The following POU2AF2 variants were observed in gnomAD, a reference collection of about 807,000 sequenced individuals.
POU2AF2 encodes the protein POU class 2 homeobox associating factor 2.
chr11:111,266,070 A>T, the POU2AF2 span, among the ~76,000 whole-genome samples: 60 of 152,228 alleles, frequency 3.9e-4, 1 homozygote, highest in African/African-American at 1.4e-3. Flanking sequence ...ACCTATAATT[A>T]TACTTATCCA....
chr11:111,284,011 T>G, the POU2AF2 span: 1 of 1,472,996 alleles, frequency 6.8e-7, no homozygotes, highest in Non-Finnish European at 9.3e-7. Flanking sequence ...GAGACTCAGC[T>G]GCAACCGAGG....
chr11:111,260,065 C>G, the POU2AF2 span, among the ~76,000 whole-genome samples: 4 of 152,218 alleles, frequency 2.6e-5, no homozygotes, highest in South Asian at 8.3e-4. Context: ...GGACCTATTT[C>G]TGTCCCTGTT....
At chr11:111,271,629 G>T in the POU2AF2 span, among the ~76,000 whole-genome samples, 1 of 151,944 alleles carries the variant, frequency 6.6e-6, no homozygotes, top group Admixed American at 6.6e-5. Flanking sequence ...TCACTGTCTT[G>T]CCCAGGCTAG....
chr11:111,258,606 T>C, the POU2AF2 span, among the ~76,000 whole-genome samples: 6 of 152,252 alleles, frequency 3.9e-5, no homozygotes, highest in Non-Finnish European at 7.3e-5. Context: ...GTTTCTTTTC[T>C]TTATTTTTTG....
At chr11:111,260,933 A>C in the POU2AF2 span, among the ~76,000 whole-genome samples, 1 of 152,332 alleles carries the variant, frequency 6.6e-6, no homozygotes, top group South Asian at 2.1e-4. Flanking sequence ...AAATTTACAC[A>C]AGACTCTGTT....
chr11:111,256,302 T>C, the POU2AF2 span, among the ~76,000 whole-genome samples: 1 of 152,252 alleles, frequency 6.6e-6, no homozygotes, highest in Admixed American at 6.5e-5. Flanking sequence ...CTCCCTCTAC[T>C]TCAATCTCAT....
the POU2AF2 span, among the ~76,000 whole-genome samples, chr11:111,276,456 ATATATATATATATATAT>A: frequency 2.7e-5 from 1 of 36,578 alleles, no homozygotes; most frequent in Non-Finnish European, 6.3e-5. Context: ...AAAAAAAAAT[ATATATATATATATATAT>A]ATATATATAT....
At chr11:111,261,027 G>GA in the POU2AF2 span, among the ~76,000 whole-genome samples, 23 of 152,218 alleles carry the variant, frequency 1.5e-4, no homozygotes, top group Non-Finnish European at 2.6e-4. Flanking sequence ...GTAGGAACAA[G>GA]AAAAAATATC....
At chr11:111,255,821 C>T in the POU2AF2 span, among the ~76,000 whole-genome samples, 11 of 152,168 alleles carry the variant, frequency 7.2e-5, no homozygotes, top group East Asian at 5.8e-4. Context: ...TCAGGAGACA[C>T]GGCTCTATTG....
chr11:111,263,970 C>T, the POU2AF2 span, among the ~76,000 whole-genome samples: 2 of 152,166 alleles, frequency 1.3e-5, no homozygotes, highest in Non-Finnish European at 2.9e-5. Flanking sequence ...AATGCCATTG[C>T]TATTAAACAC....
chr11:111,255,470 A>T, the POU2AF2 span, among the ~76,000 whole-genome samples: 2 of 152,220 alleles, frequency 1.3e-5, no homozygotes, highest in African/African-American at 4.8e-5. Context: ...CAAAACATTT[A>T]TTTAGTGCAG....
the POU2AF2 span, among the ~76,000 whole-genome samples, chr11:111,254,466 A>G: frequency 1.3e-5 from 2 of 152,118 alleles, no homozygotes; most frequent in Non-Finnish European, 2.9e-5. Flanking sequence ...CTTTCAAGGA[A>G]TTTTCACATG....
the POU2AF2 span, among the ~76,000 whole-genome samples, chr11:111,284,730 G>T: frequency 6.6e-6 from 1 of 152,328 alleles, no homozygotes; most frequent in African/African-American, 2.4e-5. Context: ...GAACACTGAA[G>T]CTGCATCTCA....
chr11:111,265,872 A>G, the POU2AF2 span, among the ~76,000 whole-genome samples: 2 of 73,594 alleles, frequency 2.7e-5, no homozygotes, highest in Admixed American at 1.4e-4. Flanking sequence ...CCTAGGAATA[A>G]ATTAAAAAAA....
At chr11:111,281,341 T>A in the POU2AF2 span, 1 of 1,459,190 alleles carries the variant, frequency 6.9e-7, no homozygotes, top group South Asian at 1.2e-5. Context: ...ATTCCTAATT[T>A]TTATTAAATT....
chr11:111,275,662 A>G, the POU2AF2 span, among the ~76,000 whole-genome samples: 3 of 152,346 alleles, frequency 2.0e-5, no homozygotes, highest in Admixed American at 6.5e-5. Context: ...ACAAACCACT[A>G]TGAGTGAGTC....
the POU2AF2 span, among the ~76,000 whole-genome samples, chr11:111,253,839 C>A: frequency 1.3e-5 from 2 of 152,270 alleles, no homozygotes; most frequent in South Asian, 4.1e-4. Flanking sequence ...GTCCTTGCCT[C>A]CAGGACTTTG....
At chr11:111,276,648 A>C in the POU2AF2 span, among the ~76,000 whole-genome samples, 1 of 130,886 alleles carries the variant, frequency 7.6e-6, no homozygotes, top group Non-Finnish European at 1.7e-5. Flanking sequence ...TCACAAAAAA[A>C]AAAAGAAAAA....
At chr11:111,275,584 C>T in the POU2AF2 span, among the ~76,000 whole-genome samples, 10 of 151,848 alleles carry the variant, frequency 6.6e-5, no homozygotes, top group South Asian at 4.2e-4. Context: ...CAATTCAGGA[C>T]CCCAGATCTT....
Sources: gnomAD v4.1 joint callset for allele counts (sites outside exome capture counted in the v4.1 genomes callset) on GRCh38, gnomAD v4.1.1 for gene constraint, MANE v1.5 for transcripts, NCBI Gene and HGNC (gene_info 2026-07-23, HGNC 2026-07-21) for gene names.